The following PRELID2 variants were observed in gnomAD, a reference collection of about 807,000 sequenced individuals.
PRELID2 encodes PRELI domain containing 2.
In PRELID2, 25 loss-of-function variants were observed where a neutral mutation model predicts 28.4. That is an observed-to-expected ratio of 0.88 (90% CI 0.64 to 1.23). The LOEUF (loss-of-function observed/expected upper bound fraction) is 1.23, where lower values mean the gene tolerates loss of function less well. Among genes scored for constraint, PRELID2 ranks in the 50% most tolerant of loss-of-function variants. The probability of loss-of-function intolerance (pLI) is 0.00; values close to 1 mark genes in which losing one functional copy is unlikely to be tolerated. For missense variants in PRELID2, 201 were observed against 214.4 expected (o/e 0.94, Z 0.39); for synonymous variants, 76 against 71.6 (o/e 1.06, Z -0.31).
At chr5:145,630,720 T>C (rs1261000461) in intron 1 of PRELID2, among the ~76,000 whole-genome samples, 1 of 152,198 alleles carries the variant, frequency 6.6e-6, no homozygotes, top group Admixed American at 6.5e-5. Context: ...GGGGAAGGCC[T>C]TGGTGGCATA....
intron 5 of PRELID2, among the ~76,000 whole-genome samples, chr5:145,778,716 C>A (rs558011185): frequency 6.6e-6 from 1 of 152,292 alleles, no homozygotes; most frequent in South Asian, 2.1e-4. Flanking sequence ...CTCACACACC[C>A]CTCGCTGCTC....
chr5:145,322,933 A>T, the PRELID2 span, among the ~76,000 whole-genome samples: 1 of 152,136 alleles, frequency 6.6e-6, no homozygotes, highest in Admixed American at 6.5e-5. Flanking sequence ...GTGAGCCGAG[A>T]TCGCACCACT....
At chr5:145,463,723 G>A in the PRELID2 span, among the ~76,000 whole-genome samples, 167 of 152,240 alleles carry the variant, frequency 1.1e-3, 1 homozygote, top group African/African-American at 3.7e-3. Context: ...GGTATTGCCA[G>A]CATTAAGGCT....
chr5:145,328,590 A>C, the PRELID2 span, among the ~76,000 whole-genome samples: 2 of 151,524 alleles, frequency 1.3e-5, no homozygotes, highest in African/African-American at 4.9e-5. Context: ...TCTTTTGAGA[A>C]GTGTCTGTTT....
chr5:145,510,545 G>C (rs1752452311), intron 1 of PRELID2, among the ~76,000 whole-genome samples: 1 of 152,174 alleles, frequency 6.6e-6, no homozygotes. Flanking sequence ...TTGATTTCCA[G>C]TACAGCATTT....
In PRELID2 at chr5:145,656,465, C is replaced by T. The variant is rs148545638; in HGVS notation, n.70+108466G>A. Among the ~76,000 whole-genome samples, 83 of 152,054 alleles carry T rather than the reference C, an allele frequency of 5.5e-4. No individual in the cohort carries two copies. In the East Asian group the frequency reaches 0.013, roughly 23 times the overall value. On this transcript the variant is annotated intron_variant and non_coding_transcript_variant, in intron 1 of 2. Coordinates refer to the PRELID2 transcript ENST00000510259. ...GACCCATGCACATGTATGTTCATTG[C>T]GGCACTATTCACAGTAGCAAAGACT...
At chr5:145,528,922 T>TA (rs910394389) in intron 1 of PRELID2, among the ~76,000 whole-genome samples, 1 of 152,068 alleles carries the variant, frequency 6.6e-6, no homozygotes, top group Non-Finnish European at 1.5e-5. Flanking sequence ...CTTAGAAGAA[T>TA]AAAAAATAAA....
At chr5:145,582,503 A>T (rs1580984156) in intron 1 of PRELID2, among the ~76,000 whole-genome samples, 1 of 152,014 alleles carries the variant, frequency 6.6e-6, no homozygotes, top group African/African-American at 2.4e-5. Context: ...ACACATGGGG[A>T]TTACAAGCCA....
At chr5:145,427,295 A>G in the PRELID2 span, among the ~76,000 whole-genome samples, 3 of 152,346 alleles carry the variant, frequency 2.0e-5, no homozygotes, top group African/African-American at 4.8e-5. Flanking sequence ...AGGTCTGGCT[A>G]TGAATTTTAA....
chr5:145,650,169 C>A (rs565803430), intron 1 of PRELID2, among the ~76,000 whole-genome samples: 2 of 150,100 alleles, frequency 1.3e-5, no homozygotes, highest in South Asian at 2.1e-4. Context: ...TACTAAGGAC[C>A]CTCTTCCCTA....
At chr5:145,813,594 G>A (rs1432493498) in intron 4 of PRELID2, among the ~76,000 whole-genome samples, 4 of 152,202 alleles carry the variant, frequency 2.6e-5, no homozygotes, top group East Asian at 1.9e-4. Context: ...ATCTGCATTC[G>A]TATCTTGGCT....
At chr5:145,229,142 G>A in the PRELID2 span, 5 of 1,101,106 alleles carry the variant, frequency 4.5e-6, no homozygotes, top group African/African-American at 1.5e-5. Flanking sequence ...AGCGGGTGGG[G>A]GCCAAGTGTG....
At chr5:145,702,134 G>A (rs141272009) in intron 1 of PRELID2, among the ~76,000 whole-genome samples, 16 of 152,014 alleles carry the variant, frequency 1.1e-4, no homozygotes, top group South Asian at 4.2e-4. Flanking sequence ...ATACATTAGC[G>A]TATTACTGTA....
At chr5:145,653,622 A>C (rs1003265169) in intron 1 of PRELID2, among the ~76,000 whole-genome samples, 12 of 152,368 alleles carry the variant, frequency 7.9e-5, no homozygotes, top group South Asian at 2.1e-4. Context: ...ACTACGTGAA[A>C]ACTGAACAAT....
At chr5:145,742,132 AAATAAATAAATTTATTTATTTAT>A (rs1561569120) in intron 1 of PRELID2, among the ~76,000 whole-genome samples, 31 of 5,434 alleles carry the variant, frequency 5.7e-3, no homozygotes, top group Non-Finnish European at 0.013. Context: ...TATTAATTAT[AAATAAATAAATTTATTTATTTAT>A]TATAAATTTA....
intron 1 of PRELID2, among the ~76,000 whole-genome samples, chr5:145,523,605 T>A (rs1752582253): frequency 1.3e-5 from 2 of 152,098 alleles, no homozygotes; most frequent in African/African-American, 4.8e-5. Context: ...CCCTACTTTC[T>A]GTGCAGGGGT....
At chr5:145,722,464 T>C (rs1027278228) in intron 1 of PRELID2, among the ~76,000 whole-genome samples, 5 of 151,118 alleles carry the variant, frequency 3.3e-5, no homozygotes, top group Non-Finnish European at 7.4e-5. Flanking sequence ...CACACCTAGC[T>C]AATTTTTGTA....
intron 1 of PRELID2, among the ~76,000 whole-genome samples, chr5:145,530,288 G>A (rs775240053): frequency 1.1e-4 from 17 of 152,138 alleles, no homozygotes; most frequent in African/African-American, 3.4e-4. Context: ...GATTGCTCAC[G>A]GTGAGAAAAA....
chr5:145,719,660 C>G (rs1277309878), intron 1 of PRELID2, among the ~76,000 whole-genome samples: 1 of 151,920 alleles, frequency 6.6e-6, no homozygotes, highest in Admixed American at 6.6e-5. Context: ...GATTGCCAAC[C>G]TGATACACAA....
Sources: gnomAD v4.1 joint callset for allele counts (sites outside exome capture counted in the v4.1 genomes callset) on GRCh38, gnomAD v4.1.1 for gene constraint, MANE v1.5 for transcripts, NCBI Gene and HGNC (gene_info 2026-07-23, HGNC 2026-07-21) for gene names.